The following FARS2 variants were observed in gnomAD, a reference collection of about 807,000 sequenced individuals.
FARS2 encodes the protein phenylalanine--tRNA ligase, mitochondrial.
Under a neutral mutation model 46.4 loss-of-function variants are expected in FARS2, and 40 were observed. The observed-to-expected ratio is 0.86, with a 90% CI of 0.67 to 1.12. The LOEUF is 1.12. Ranked by LOEUF, FARS2 falls within the 50% of genes most tolerant of loss-of-function variation. The pLI, the probability that FARS2 is intolerant of heterozygous loss-of-function variation, is 0.00. For missense variants in FARS2, 513 were observed against 567.9 expected, an observed-to-expected ratio of 0.90 and a Z score of 0.98; for synonymous variants, 234 against 214.9, an observed-to-expected ratio of 1.09 and a Z score of -0.78.
intron 4 of FARS2, among the ~76,000 whole-genome samples, chr6:5,512,280 C>T (rs1481896278): frequency 6.6e-6 from 1 of 152,168 alleles, no homozygotes; most frequent in Non-Finnish European, 1.5e-5. Flanking sequence ...CTGGAATTGA[C>T]TTCAGGTCCT....
chr6:5,446,063 CG>C (rs1437711714), intron 4 of FARS2, among the ~76,000 whole-genome samples: 2 of 151,868 alleles, frequency 1.3e-5, no homozygotes, highest in Non-Finnish European at 2.9e-5. Flanking sequence ...ATTAGCCGGG[CG>C]TGGGGGCGGG....
In FARS2 at chr6:5,594,926, G is replaced by A. The variant is rs1774114928; in HGVS notation, c.1066-18243G>A. Among the ~76,000 whole-genome samples, 3 of 152,300 alleles carry A rather than the reference G, an allele frequency of 2.0e-5. No homozygotes were observed. In the South Asian group the frequency reaches 6.2e-4, roughly 32 times the overall value. On this transcript the variant is annotated intron_variant, in intron 5 of 6. Transcript: ENST00000274680. Reference sequence around the variant, plus strand: ...AGCCCCTGACAGGAATAGAAAGCTGGCAGAATGGAGCCAGCCCTTTCTCCT... The same window carrying A: ...AGCCCCTGACAGGAATAGAAAGCTGACAGAATGGAGCCAGCCCTTTCTCCT...
At chr6:5,495,769 A>G (rs761167496) in intron 4 of FARS2, among the ~76,000 whole-genome samples, 5 of 152,240 alleles carry the variant, frequency 3.3e-5, no homozygotes, top group Non-Finnish European at 5.9e-5. Context: ...GAAGTAATCA[A>G]AGGCAGAGAC....
chr6:5,368,598 G>T lies in FARS2; in HGVS notation c.28G>T (p.Ala10Ser), dbSNP rs753993545. The T allele has an allele frequency of 6.2e-7, 1 of 1,613,352 alleles. No homozygotes were observed. Residue 10 changes from alanine to serine, a missense_variant, in exon 2 of 7, where the codon GCC becomes TCC. Coordinates refer to ENST00000274680, the MANE Select transcript of FARS2 (RefSeq NM_006567.5). ...GGTGGGCTCAGCTCTCAGGAGAGGT[G>T]CCCATGCATATGTCTACCTGGTGAG... MVGSALRRG[A>S]HAYVYLVSKA...
rs867518452 is a variant in FARS2, at chr6:5,450,360, G to T, written c.904+19188G>T. ...GTAAGGGTTGGTGGTAACAGGGAGT[G>T]GGGGAGGGGAAGCGTGATGTGGGCT... On this transcript the variant is annotated intron_variant, in intron 4 of 6. Coordinates refer to ENST00000274680, the MANE Select transcript of FARS2 (RefSeq NM_006567.5). 2.6e-5 allele frequency among the ~76,000 whole-genome samples: 4 copies of T among 152,000 alleles called. 1 individual carries two copies. In the Middle Eastern group the frequency reaches 0.01, roughly 390 times the overall value.
chr6:5,746,790 C>T (rs1366024991), intron 6 of FARS2, among the ~76,000 whole-genome samples: 1 of 152,078 alleles, frequency 6.6e-6, no homozygotes, highest in African/African-American at 2.4e-5. Flanking sequence ...TTTATTAAAC[C>T]CTTGCTGTTT....
At chr6:5,409,892 T>C (rs1761834628) in intron 3 of FARS2, among the ~76,000 whole-genome samples, 1 of 152,170 alleles carries the variant, frequency 6.6e-6, no homozygotes, top group South Asian at 2.1e-4. Flanking sequence ...TGTAGAGGTG[T>C]GTGAGCTTGT....
intron 1 of FARS2, among the ~76,000 whole-genome samples, chr6:5,368,002 G>C (rs1390331326): frequency 6.6e-6 from 1 of 152,126 alleles, no homozygotes; most frequent in Non-Finnish European, 1.5e-5. Flanking sequence ...AAGTAATACA[G>C]AAGTTATGCT....
At chr6:5,607,722 G>T (rs55690827) in intron 5 of FARS2, among the ~76,000 whole-genome samples, 31,546 of 151,878 alleles carry the variant, frequency 0.21, 3,357 homozygotes, top group Non-Finnish European at 0.22. Context: ...TAACCATGAC[G>T]CGTTTATACT....
At chr6:5,610,952 A>G in intron 5 of FARS2, among the ~76,000 whole-genome samples, 1 of 152,266 alleles carries the variant, frequency 6.6e-6, no homozygotes, top group South Asian at 2.1e-4. Flanking sequence ...ACACAGCTGA[A>G]TGCACTGACT....
intron 5 of FARS2, among the ~76,000 whole-genome samples, chr6:5,556,220 T>C (rs1561710254): frequency 6.6e-6 from 1 of 152,132 alleles, no homozygotes; most frequent in Admixed American, 6.5e-5. Context: ...TCCTTTTGCA[T>C]AGAACTGGCT....
In FARS2 at chr6:5,765,636, G is replaced by C. The variant is rs529303663; in HGVS notation, c.1218-5655G>C. ...AATTATGCACTGAAGAGCAAATCTC[G>C]GGAGAACATGAGGTTCCACGTGGGG... is the stretch of plus-strand genomic sequence containing the variant. On this transcript the variant is annotated intron_variant, in intron 6 of 6. Coordinates refer to ENST00000274680, the MANE Select transcript of FARS2 (RefSeq NM_006567.5). The surrounding 1 kb of genome is among the most constrained non-coding windows in gnomAD (Gnocchi z 4.0). Among the ~76,000 whole-genome samples the C allele has an allele frequency of 3.3e-5, 5 of 152,172 alleles. No homozygotes were observed. The highest frequency in any genetic ancestry group is 1.2e-4 in the African/African-American group (5 of 41,444).
Position 5,578,808 on chromosome 6 carries a change from C to CAA in FARS2, c.1065+33492_1065+33493dup, listed in dbSNP as rs56248218. 1.6e-3 allele frequency among the ~76,000 whole-genome samples: 196 copies of CAA among 124,254 alleles called. 3 individuals are homozygous for CAA. The highest frequency in any genetic ancestry group is 3.5e-3 in the African/African-American group (110 of 31,334). 81.5% of individuals were successfully genotyped at this position (124,254 alleles called of 152,430 possible). A position where few individuals can be genotyped will look rare whatever the true frequency, so the allele number is the denominator to read the frequency against. ...TGGAAGACAGAGCGGCACTCCGTCT[C>CAA]AAAAAAAAAAAAAAAAAAAAAAAAA... On this transcript the variant is annotated intron_variant, in intron 5 of 6. Transcript: ENST00000274680.
intron 3 of FARS2, among the ~76,000 whole-genome samples, chr6:5,417,776 G>A (rs893315167): frequency 1.4e-4 from 21 of 152,198 alleles, no homozygotes; most frequent in African/African-American, 3.9e-4. Context: ...TATATTTTTC[G>A]TGAAATCTGG....
chr6:5,528,792 T>C (rs756380205), intron 4 of FARS2, among the ~76,000 whole-genome samples: 12 of 152,232 alleles, frequency 7.9e-5, no homozygotes, highest in Non-Finnish European at 1.5e-4. Flanking sequence ...GCAACAGGTA[T>C]GTAAGTCATG....
At chr6:5,381,991 T>G (rs368964244) in intron 2 of FARS2, among the ~76,000 whole-genome samples, 1 of 152,238 alleles carries the variant, frequency 6.6e-6, no homozygotes, top group Non-Finnish European at 1.5e-5. Context: ...GGCGGACAGA[T>G]AGCCAAAGAG....
At position 5,363,082 on chromosome 6, in the gene FARS2, A is replaced by G. The variant is rs150889964; in HGVS notation, c.-21-5468A>G. 2.1e-3 allele frequency among the ~76,000 whole-genome samples: 313 copies of G among 151,938 alleles called. 2 individuals carry two copies. Among genetic ancestry groups the G allele is most frequent in the African/African-American group, 7.4e-3 (306 of 41,450 alleles). On this transcript the variant is annotated intron_variant, in intron 1 of 6. Coordinates refer to ENST00000274680, the MANE Select transcript of FARS2 (RefSeq NM_006567.5). ...GCTGGGACTACAGGTGCCCGCCACC[A>G]TGCTTGGCTAATTTTTTATATTTTT...
intron 6 of FARS2, among the ~76,000 whole-genome samples, chr6:5,620,722 A>G (rs749206760): frequency 1.3e-5 from 2 of 152,180 alleles, no homozygotes; most frequent in Admixed American, 6.5e-5. Flanking sequence ...ACCAACTTCA[A>G]GTCCCTTGTG....
intron 4 of FARS2, among the ~76,000 whole-genome samples, chr6:5,466,060 T>C (rs1765497698): frequency 6.6e-6 from 1 of 152,144 alleles, no homozygotes; most frequent in Non-Finnish European, 1.5e-5. Flanking sequence ...CTGAAGCTCA[T>C]TTCTTACACA....
Sources: allele counts gnomAD v4.1 joint callset (sites outside exome capture counted in the v4.1 genomes callset), GRCh38; gene constraint gnomAD v4.1.1; non-coding constraint Gnocchi (gnomAD v3.1); transcripts MANE v1.5; gene names NCBI Gene and HGNC (gene_info 2026-07-23, HGNC 2026-07-21).